IGSF21: variants seen among roughly 807,000 people sequenced by gnomAD.
IGSF21 encodes the protein immunoglobin superfamily member 21.
IGSF21 carries 28 observed loss-of-function variants against 46.8 expected under a neutral mutation model. That is an observed-to-expected ratio of 0.60 (90% CI 0.44 to 0.82). The LOEUF (loss-of-function observed/expected upper bound fraction) is 0.82, where lower values mean the gene tolerates loss of function less well. Among genes scored for constraint, IGSF21 ranks in the 40% least tolerant of loss-of-function variants. The pLI is 0.00. For missense variants in IGSF21, 624 were observed against 665.5 expected, an observed-to-expected ratio of 0.94 and a Z score of 0.69; for synonymous variants, 284 against 273.6, an observed-to-expected ratio of 1.04 and a Z score of -0.38.
chr1:18,163,954 T>C (rs1174324900), intron 1 of IGSF21, among the ~76,000 whole-genome samples: 1 of 152,238 alleles, frequency 6.6e-6, no homozygotes, highest in Admixed American at 6.5e-5. Context: ...CCATCATTTA[T>C]ATGAAATGCA....
At chr1:18,312,533 A>AG (rs2085499571) in intron 3 of IGSF21, among the ~76,000 whole-genome samples, 1 of 152,204 alleles carries the variant, frequency 6.6e-6, no homozygotes, top group South Asian at 2.1e-4. Context: ...CTGGAGGCTC[A>AG]GGGGACAGTC....
chr1:18,115,874 A>G (rs913669146), intron 1 of IGSF21: 26 of 120,526 alleles, frequency 2.2e-4, no homozygotes, highest in African/African-American at 6.5e-4. Context: ...AGAAAGAAAG[A>G]AAGAAAGAAA....
chr1:18,311,997 G>T (rs2085493362), intron 3 of IGSF21, among the ~76,000 whole-genome samples: 1 of 152,164 alleles, frequency 6.6e-6, no homozygotes, highest in African/African-American at 2.4e-5. Flanking sequence ...CCTCCCCAGA[G>T]AGGCCTTCCC....
At chr1:18,119,466 A>C (rs1031429806) in intron 1 of IGSF21, among the ~76,000 whole-genome samples, 18 of 152,238 alleles carry the variant, frequency 1.2e-4, no homozygotes, top group Non-Finnish European at 2.5e-4. Context: ...ACGGTATTGG[A>C]CAGTGCACTT....
Position 18,313,214 on chromosome 1 carries a change from G to A in IGSF21, c.305+21227G>A, listed in dbSNP as rs1271590453. Among the ~76,000 whole-genome samples, 9 of 152,126 alleles carry A rather than the reference G, an allele frequency of 5.9e-5. No homozygotes were observed. In the East Asian group the frequency reaches 7.7e-4, roughly 13 times the overall value. ...GGGAAGAAACTCGGGGAGGTCTCGG[G>A]CTTCAAATGAGAGAGGCTTGCCCTT... On this transcript the variant is annotated intron_variant, in intron 3 of 9. Transcript: ENST00000251296.
At chr1:18,302,258 C>T (rs942453635) in intron 3 of IGSF21, among the ~76,000 whole-genome samples, 68 of 152,190 alleles carry the variant, frequency 4.5e-4, no homozygotes, top group African/African-American at 1.5e-3. Context: ...GCCTGCTGTG[C>T]CCAGGGAGCG....
chr1:18,296,123 A>G (rs1451194478), intron 3 of IGSF21, among the ~76,000 whole-genome samples: 1 of 152,198 alleles, frequency 6.6e-6, no homozygotes, highest in Non-Finnish European at 1.5e-5. Flanking sequence ...GGAGTTTCTC[A>G]GTGACCCCCC....
chr1:18,138,965 G>T (rs1024243377), intron 1 of IGSF21, among the ~76,000 whole-genome samples: 5 of 152,196 alleles, frequency 3.3e-5, no homozygotes, highest in Admixed American at 6.5e-5. Context: ...CAAGCACTTA[G>T]TAAGCACCTG....
chr1:18,127,890 C>T (rs868556116), intron 1 of IGSF21, among the ~76,000 whole-genome samples: 7 of 152,022 alleles, frequency 4.6e-5, no homozygotes, highest in African/African-American at 1.2e-4. Context: ...GCCTGGGTGA[C>T]GTAGCAAGAC....
At chr1:18,273,331 ATTCCTTTCCTTTCCT>A (rs1553159552) in intron 2 of IGSF21, among the ~76,000 whole-genome samples, 1,301 of 54,026 alleles carry the variant, frequency 0.024, 29 homozygotes, top group African/African-American at 0.041. Flanking sequence ...ATGAGCCACC[ATTCCTTTCCTTTCCT>A]TTCCTTTCCT....
Position 18,139,796 on chromosome 1 carries a change from T to G in IGSF21, c.70+31598T>G, listed in dbSNP as rs578149348. Among the ~76,000 whole-genome samples the G allele has an allele frequency of 9.8e-5, 15 of 152,308 alleles. No homozygotes were observed. In the South Asian group the frequency reaches 3.1e-3, roughly 32 times the overall value. ...TCTCCACCCGCCAAAGTCTGCTTAC[T>G]GTGAATGAAACTCATTGCCTGAGGC... On this transcript the variant is annotated intron_variant, in intron 1 of 9. Coordinates refer to ENST00000251296, the MANE Select transcript of IGSF21 (RefSeq NM_032880.5).
At chr1:18,262,757 A>G (rs1319023485) in intron 2 of IGSF21, among the ~76,000 whole-genome samples, 1 of 152,202 alleles carries the variant, frequency 6.6e-6, no homozygotes, top group African/African-American at 2.4e-5. Context: ...CTGGGTGCTA[A>G]GAACCAAGTC....
At chr1:18,362,787 A>G (rs763643266) in intron 5 of IGSF21, among the ~76,000 whole-genome samples, 6 of 152,108 alleles carry the variant, frequency 3.9e-5, no homozygotes, top group Admixed American at 6.5e-5. Flanking sequence ...ATTAGACCCA[A>G]CATAGTTTCT....
chr1:18,357,415 T>G (rs1569868422), intron 4 of IGSF21, among the ~76,000 whole-genome samples: 4 of 96,260 alleles, frequency 4.2e-5, no homozygotes, highest in Admixed American at 2.6e-4. Flanking sequence ...GGGATGAGGA[T>G]GGGGATGGGA....
At chr1:18,192,510 T>C (rs2124476995) in intron 1 of IGSF21, among the ~76,000 whole-genome samples, 1 of 152,376 alleles carries the variant, frequency 6.6e-6, no homozygotes, top group South Asian at 2.1e-4. Context: ...TCATCCCTAC[T>C]GGTGTTGTCC....
In IGSF21 at chr1:18,342,455, A is replaced by G. The variant is rs376885796; in HGVS notation, c.424+7445A>G. Reference sequence around the variant, plus strand: ...AATTCCTATAACATGCAATCCGCTCATGTAAAGTGTAAAAAACAGTGGTTT... The same window carrying G: ...AATTCCTATAACATGCAATCCGCTCGTGTAAAGTGTAAAAAACAGTGGTTT... On this transcript the variant is annotated intron_variant, in intron 4 of 9. Coordinates refer to ENST00000251296, the MANE Select transcript of IGSF21 (RefSeq NM_032880.5). Among the ~76,000 whole-genome samples, 5 of 152,198 alleles carry G rather than the reference A, an allele frequency of 3.3e-5. No individual in the cohort carries two copies. In the East Asian group the frequency reaches 9.6e-4, roughly 29 times the overall value.
At chr1:18,323,558 C>T (rs115951203) in intron 3 of IGSF21, among the ~76,000 whole-genome samples, 7 of 152,100 alleles carry the variant, frequency 4.6e-5, no homozygotes, top group South Asian at 2.1e-4. Flanking sequence ...GCAGCTGGGC[C>T]GCCAACGATC....
intron 1 of IGSF21, among the ~76,000 whole-genome samples, chr1:18,222,486 T>C (rs2124501444): frequency 6.6e-6 from 1 of 152,324 alleles, no homozygotes; most frequent in South Asian, 2.1e-4. Flanking sequence ...CACCTCGCCC[T>C]GATCCAGGAT....
At chr1:18,364,272 A>G (rs2086135161) in intron 5 of IGSF21, among the ~76,000 whole-genome samples, 1 of 152,190 alleles carries the variant, frequency 6.6e-6, no homozygotes, top group South Asian at 2.1e-4. Flanking sequence ...TTCAAAAAGA[A>G]AAAAGGAAAG....
Sources: gnomAD v4.1 joint callset for allele counts (sites outside exome capture counted in the v4.1 genomes callset) on GRCh38, gnomAD v4.1.1 for gene constraint, MANE v1.5 for transcripts, NCBI Gene and HGNC (gene_info 2026-07-23, HGNC 2026-07-21) for gene names.